Variants in CCDC171 observed in about 807,000 individuals in gnomAD.
CCDC171 encodes coiled-coil domain containing 171, also known as coiled-coil domain-containing protein 171.
A neutral mutation model predicts 168.2 loss-of-function variants in CCDC171; 177 were observed. The observed-to-expected ratio is 1.05, with a 90% CI of 0.93 to 1.19. CCDC171 has a LOEUF of 1.19. CCDC171 is among the 50% of genes most tolerant of loss of function. The pLI, the probability that CCDC171 is intolerant of heterozygous loss-of-function variation, is 0.00. For missense variants in CCDC171, 1,991 were observed against 1,539.0 expected, an observed-to-expected ratio of 1.29 and a Z score of -4.91; for synonymous variants, 687 against 540.8, an observed-to-expected ratio of 1.27 and a Z score of -3.75.
chr9:16,062,685 C>G (rs1365745522), downstream of CCDC171, among the ~76,000 whole-genome samples: 2 of 152,220 alleles, frequency 1.3e-5, no homozygotes, highest in Non-Finnish European at 2.9e-5. Flanking sequence ...GTGGTACACA[C>G]TTCAGATACA....
At chr9:15,843,445 C>G (rs7870607) in intron 21 of CCDC171, among the ~76,000 whole-genome samples, 1,909 of 152,048 alleles carry the variant, frequency 0.013, 60 homozygotes, top group African/African-American at 0.042. Context: ...AATTCAGTAT[C>G]AGGCTTTGAA....
chr9:16,051,392 A>G (rs1352514641), intron 1 of CCDC171, among the ~76,000 whole-genome samples: 1 of 152,076 alleles, frequency 6.6e-6, no homozygotes, highest in East Asian at 1.9e-4. Flanking sequence ...GTCCCAGGCT[A>G]TCCTCTCTCT....
intron 6 of CCDC171, among the ~76,000 whole-genome samples, chr9:15,622,905 G>C (rs1313912134): frequency 2.6e-5 from 4 of 152,016 alleles, no homozygotes; most frequent in African/African-American, 9.7e-5. Flanking sequence ...ATTATAAAAA[G>C]GGCAATATAC....
chr9:15,896,363 G>A (rs957056296), intron 24 of CCDC171, among the ~76,000 whole-genome samples: 1 of 151,964 alleles, frequency 6.6e-6, no homozygotes, highest in African/African-American at 2.4e-5. Flanking sequence ...TGCTGAATAT[G>A]GTTTCCCATG....
intron 7 of CCDC171, among the ~76,000 whole-genome samples, chr9:15,628,361 G>T (rs535464240): frequency 6.6e-6 from 1 of 152,158 alleles, no homozygotes; most frequent in Non-Finnish European, 1.5e-5. Flanking sequence ...AAAAAACGGC[G>T]CACCAGGAGA....
chr9:16,105,564 G>T, the CCDC171 span, among the ~76,000 whole-genome samples: 1 of 152,110 alleles, frequency 6.6e-6, no homozygotes, highest in African/African-American at 2.4e-5. Context: ...ATGGATTTAC[G>T]GTAATGAACT....
intron 3 of CCDC171, among the ~76,000 whole-genome samples, chr9:15,983,205 T>A (rs1203611557): frequency 6.6e-6 from 1 of 152,162 alleles, no homozygotes; most frequent in Non-Finnish European, 1.5e-5. Flanking sequence ...GAACATTTTT[T>A]AAGGTTATAC....
chr9:15,645,719 C>T (rs141115772), intron 7 of CCDC171, among the ~76,000 whole-genome samples: 15 of 152,084 alleles, frequency 9.9e-5, no homozygotes, highest in South Asian at 2.1e-4. Context: ...AAGAAACGAA[C>T]GGAACGTCCA....
intron 25 of CCDC171, among the ~76,000 whole-genome samples, chr9:15,944,160 T>G (rs1828034071): frequency 6.6e-6 from 1 of 152,064 alleles, no homozygotes; most frequent in Admixed American, 6.6e-5. Context: ...TTTGTAAGAT[T>G]CAGAAAAGTT....
intron 7 of CCDC171, among the ~76,000 whole-genome samples, chr9:15,640,043 AT>A (rs2046481240): frequency 6.6e-6 from 1 of 152,170 alleles, no homozygotes; most frequent in Admixed American, 6.5e-5. Flanking sequence ...TACTCTATAA[AT>A]GTTCCATTCT....
At chr9:15,953,939 G>A (rs922287026) in intron 25 of CCDC171, among the ~76,000 whole-genome samples, 3 of 151,766 alleles carry the variant, frequency 2.0e-5, no homozygotes, top group African/African-American at 7.3e-5. Flanking sequence ...CTGTTTCATC[G>A]AGGGCATTCA....
chr9:15,677,926 A>ATATATAG (rs1554754419), intron 9 of CCDC171, among the ~76,000 whole-genome samples: 1 of 28,236 alleles, frequency 3.5e-5, no homozygotes, highest in Non-Finnish European at 5.7e-5. Flanking sequence ...ATATATATAT[A>ATATATAG]AGAGATGTGG....
intron 6 of CCDC171, among the ~76,000 whole-genome samples, chr9:16,030,510 T>C (rs1013054051): frequency 8.5e-5 from 13 of 152,198 alleles, no homozygotes; most frequent in African/African-American, 1.2e-4. Flanking sequence ...AGAAAAAGAA[T>C]GTGTTGATTT....
intron 3 of CCDC171, among the ~76,000 whole-genome samples, chr9:15,984,421 C>T (rs1398898655): frequency 7.1e-6 from 1 of 141,524 alleles, no homozygotes; most frequent in Non-Finnish European, 1.5e-5. Flanking sequence ...TGTGTGTGTA[C>T]ATATATATGT....
At chr9:15,878,496 G>C (rs534574763) in intron 24 of CCDC171, among the ~76,000 whole-genome samples, 3 of 152,200 alleles carry the variant, frequency 2.0e-5, no homozygotes, top group Non-Finnish European at 4.4e-5. Flanking sequence ...TGATGAGGTT[G>C]TGGAGAAAAG....
At chr9:15,647,656 A>G (rs951404398) in intron 7 of CCDC171, among the ~76,000 whole-genome samples, 2 of 152,218 alleles carry the variant, frequency 1.3e-5, no homozygotes, top group African/African-American at 4.8e-5. Flanking sequence ...GAAGAAATGC[A>G]TAAATTCCTG....
At chr9:16,049,139 G>T (rs1365968775) in intron 1 of CCDC171, among the ~76,000 whole-genome samples, 1 of 152,176 alleles carries the variant, frequency 6.6e-6, no homozygotes, top group Non-Finnish European at 1.5e-5. Flanking sequence ...GAATTCTAGG[G>T]AGGGGATTAG....
At chr9:16,031,406 GGTAAGTTGTA>G (rs1833361953) in intron 6 of CCDC171, among the ~76,000 whole-genome samples, 1 of 152,152 alleles carries the variant, frequency 6.6e-6, no homozygotes, top group Non-Finnish European at 1.5e-5. Context: ...AACAACATGT[GGTAAGTTGTA>G]TATATACCAA....
intron 21 of CCDC171, among the ~76,000 whole-genome samples, chr9:15,844,634 A>G (rs1168771320): frequency 1.3e-5 from 2 of 152,058 alleles, no homozygotes; most frequent in Non-Finnish European, 2.9e-5. Context: ...CACTTTGTTT[A>G]TACCACTTTT....
Sources: gnomAD v4.1 joint callset for allele counts (sites outside exome capture counted in the v4.1 genomes callset) on GRCh38, gnomAD v4.1.1 for gene constraint, MANE v1.5 for transcripts, NCBI Gene and HGNC (gene_info 2026-07-23, HGNC 2026-07-21) for gene names.